The following TAF6 variants were observed in gnomAD, a reference collection of about 807,000 sequenced individuals.
The protein encoded by TAF6 is TATA-box binding protein associated factor 6, also known as transcription initiation factor TFIID subunit 6.
A neutral mutation model predicts 73.5 loss-of-function variants in TAF6; 50 were observed. The observed-to-expected ratio is 0.68, with a 90% CI of 0.54 to 0.86. The LOEUF (loss-of-function observed/expected upper bound fraction) is 0.86, where lower values mean the gene tolerates loss of function less well. Among genes scored for constraint, TAF6 ranks in the 40% least tolerant of loss-of-function variants. TAF6 has a pLI of 0.00. For missense variants in TAF6, 768 were observed against 899.5 expected (o/e 0.85, Z 1.87); for synonymous variants, 424 against 376.7 (o/e 1.13, Z -1.45).
rs778062571 is a variant in TAF6 at position 100,108,482 on chromosome 7, T to C, written c.1343A>G (p.Tyr448Cys). The change falls in exon 13 of 15, where the codon TAT becomes TGT. Residue 448 changes from tyrosine to cysteine, a missense_variant. By Grantham distance (194) the Tyr-to-Cys change is radical. Around this residue, in one of 5 missense-constraint regions of TAF6, gnomAD observed 350 missense variants for 352.3 expected, o/e 0.99. Coordinates refer to ENST00000453269, the MANE Select transcript of TAF6 (RefSeq NM_139315.3). ...LRPPPDNQDAYRAEFGSLGPL... is the reference protein window; with the variant it reads ...LRPPPDNQDACRAEFGSLGPL... The stretch of plus-strand genomic sequence containing the variant: ...CCCAAGGGACCCGAATTCTGCCCGA[T>C]AGGCGTCCTGATTGTCAGGCGGTGG... The C allele has an allele frequency of 2.5e-6, 4 of 1,613,780 alleles. No homozygotes were observed. The highest frequency in any genetic ancestry group is 2.2e-5 in the East Asian group (1 of 44,858).
At chr7:100,112,334 C>A in intron 6 of TAF6, 81 bp from the exon 7 acceptor site, 2 of 1,525,384 alleles carry the variant, frequency 1.3e-6, no homozygotes, top group South Asian at 2.6e-5. Flanking sequence ...CCCTCCACTT[C>A]CCCTGAGACC....
rs1306425271 is a variant in TAF6 at position 100,107,108 on chromosome 7, G to A, written c.*138C>T. The A allele has an allele frequency of 7.5e-7, 1 of 1,328,228 alleles. No individual in the cohort carries two copies. Among genetic ancestry groups the A allele is most frequent in the Non-Finnish European group, 1.0e-6 (1 of 988,434 alleles). 82.3% of individuals were successfully genotyped at this position (1,328,228 alleles called of 1,614,324 possible). On this transcript the variant is annotated 3_prime_UTR_variant, in exon 15 of 15. Transcript: ENST00000453269. ...ACCAAACTTTTATTCTGAGAAACTG[G>A]CTGTACAATATCTAAAAAGAAAGTG...
chr7:100,109,398 G>A (rs532213384), intron 12 of TAF6, among the ~76,000 whole-genome samples: 1 of 152,230 alleles, frequency 6.6e-6, no homozygotes, highest in South Asian at 2.1e-4. Context: ...ACTGTGGCAG[G>A]ATGGTTAATC....
Position 100,113,425 on chromosome 7 carries a change from C to T in TAF6, c.398-20G>A. The T allele has an allele frequency of 1.3e-6, 2 of 1,568,154 alleles. No individual in the cohort carries two copies. The highest frequency in any genetic ancestry group is 1.7e-6 in the Non-Finnish European group (2 of 1,156,942). On this transcript the variant is annotated intron_variant, in intron 4 of 14. Transcript: ENST00000453269. ...AATGAGCTGCAAGGAAGGCAGGTGT[C>T]AAGGTGAATTGCCACGCATGGACAT...
upstream of TAF6, chr7:100,122,564 TGA>T: frequency 1.9e-6 from 3 of 1,609,970 alleles, no homozygotes; most frequent in Non-Finnish European, 2.5e-6. Context: ...AAGGGCTCAC[TGA>T]GATATGCCAA....
intron 1 of TAF6, among the ~76,000 whole-genome samples, chr7:100,114,888 G>A (rs574854918): frequency 5.6e-4 from 85 of 152,178 alleles, no homozygotes; most frequent in Admixed American, 1.0e-3. Flanking sequence ...GCAGGCACAG[G>A]GCTGTTGTTC....
At position 100,108,774 on chromosome 7, in the gene TAF6, G is replaced by T. The variant is rs1345503152; in HGVS notation, c.1285-234C>A. ...GCACGGGGCCAGGTGCAGCATCTTA[G>T]GCCTGTATCCCAGCACTTGGGAGGC... On this transcript the variant is annotated intron_variant, in intron 12 of 14. Transcript: ENST00000453269. 3 of 414,000 alleles carry T rather than the reference G, an allele frequency of 7.2e-6. No individual in the cohort carries two copies. The Admixed American group carries it at 1.2e-4, about 17-fold the overall frequency. 25.6% of individuals were successfully genotyped at this position (414,000 alleles called of 1,614,324 possible). A position where few individuals can be genotyped will look rare whatever the true frequency, so the allele number is the denominator to read the frequency against.
chr7:100,124,701 A>G, upstream of TAF6: 1 of 1,613,534 alleles, frequency 6.2e-7, no homozygotes, highest in Non-Finnish European at 8.5e-7. Flanking sequence ...TAATATCTAA[A>G]TTGTTTTCTG....
In TAF6 at chr7:100,110,281, G is replaced by T; in HGVS notation, c.1084-7C>A. 6.2e-7 allele frequency: 1 copy of T among 1,613,956 alleles called. No individual in the cohort carries two copies. Among genetic ancestry groups the T allele is most frequent in the Non-Finnish European group, 8.5e-7 (1 of 1,179,886 alleles). ...TCTTCTCGTCCACCCAGCTCTGTAA[G>T]GGGAAGGAAATAAACTAAGATGAAG... On this transcript the variant is annotated splice_region_variant and splice_polypyrimidine_tract_variant and intron_variant, in intron 10 of 14. Coordinates refer to ENST00000453269, the MANE Select transcript of TAF6 (RefSeq NM_139315.3).
upstream of TAF6, chr7:100,122,281 G>C (rs1798095447): frequency 6.2e-7 from 1 of 1,613,880 alleles, no homozygotes; most frequent in Non-Finnish European, 8.5e-7. Flanking sequence ...TGAGCACAGA[G>C]CTACAGGCGG....
At chr7:100,112,026 T>C (rs768172277) in intron 7 of TAF6, 27 bp from the exon 8 acceptor site, 6 of 1,609,296 alleles carry the variant, frequency 3.7e-6, no homozygotes, top group Non-Finnish European at 5.1e-6. Flanking sequence ...GCCAGTCAGG[T>C]GGGGGTGGGA....
chr7:100,107,878 A>C (rs1345662444), intron 14 of TAF6, 48 bp downstream of exon 14: 1 of 1,561,718 alleles, frequency 6.4e-7, no homozygotes, highest in African/African-American at 1.4e-5. Flanking sequence ...GGGTGCTCTG[A>C]GGTAACCCAG....
intron 1 of TAF6, among the ~76,000 whole-genome samples, chr7:100,116,077 A>G (rs982180789): frequency 3.3e-5 from 5 of 152,208 alleles, no homozygotes; most frequent in Non-Finnish European, 7.4e-5. Context: ...CCTCCTAACA[A>G]TGTCAACCGG....
At chr7:100,124,877 G>A in the TAF6 span, 3 of 1,595,914 alleles carry the variant, frequency 1.9e-6, no homozygotes. Context: ...ACTTGACCGA[G>A]AAGATCTTTG....
At chr7:100,118,000 C>G (rs1369020765) in intron 1 of TAF6, among the ~76,000 whole-genome samples, 1 of 149,256 alleles carries the variant, frequency 6.7e-6, no homozygotes, top group Non-Finnish European at 1.5e-5. Flanking sequence ...GAGCCGAGAT[C>G]GCACCACTGC....
At chr7:100,119,724 G>T (rs377541495), upstream of TAF6, 8 of 1,614,012 alleles carry the variant, frequency 5.0e-6, no homozygotes, top group Middle Eastern at 1.6e-4. Context: ...AGCGGTGATT[G>T]TTTGTAGACG....
At chr7:100,120,387 G>C (rs971337253), upstream of TAF6, 3 of 152,422 alleles carry the variant, frequency 2.0e-5, no homozygotes, top group African/African-American at 4.8e-5. Flanking sequence ...CATCCGGTGA[G>C]ACTTTGCAGA....
At chr7:100,123,341 TA>T (rs1244231818), upstream of TAF6, among the ~76,000 whole-genome samples, 45 of 138,152 alleles carry the variant, frequency 3.3e-4, no homozygotes, top group African/African-American at 8.6e-4. Flanking sequence ...GACTCCATCT[TA>T]AAAAAAAAAA....
upstream of TAF6, chr7:100,119,416 C>A (rs570895113): frequency 2.3e-4 from 277 of 1,180,770 alleles, no homozygotes; most frequent in Middle Eastern, 3.6e-4. Context: ...CTTCCCCGTA[C>A]CAGAATAAGT....
Sources: gnomAD v4.1 joint callset for allele counts (sites outside exome capture counted in the v4.1 genomes callset) on GRCh38, gnomAD v4.1.1 for gene constraint, gnomAD v4.1.1 regional missense constraint, MANE v1.5 for transcripts, NCBI Gene and HGNC (gene_info 2026-07-23, HGNC 2026-07-21) for gene names.